SKAP2: variants seen among roughly 807,000 people sequenced by gnomAD.
The protein encoded by SKAP2 is src kinase associated phosphoprotein 2.
In SKAP2, 28 loss-of-function variants were observed where a neutral mutation model predicts 54.9. The ratio of observed to expected loss-of-function variants is 0.51; its 90% CI spans 0.38 to 0.70. The LOEUF (loss-of-function observed/expected upper bound fraction) is 0.70. Ranked by LOEUF, SKAP2 falls within the 30% of genes least tolerant of loss-of-function variation. The pLI, the probability that SKAP2 is intolerant of heterozygous loss-of-function variation, is 0.00. For synonymous variants in SKAP2, 137 were observed against 134.3 expected (o/e 1.02, Z -0.14); for missense variants, 356 against 424.1 (o/e 0.84, Z 1.41).
chr7:26,719,472 C>G (rs537011075), intron 9 of SKAP2, among the ~76,000 whole-genome samples: 2 of 152,316 alleles, frequency 1.3e-5, no homozygotes, highest in South Asian at 4.1e-4. Context: ...ATTGCTCAGC[C>G]TTGCATTCCC....
intron 9 of SKAP2, among the ~76,000 whole-genome samples, chr7:26,695,862 T>C (rs1376986193): frequency 6.6e-6 from 1 of 152,164 alleles, no homozygotes; most frequent in Non-Finnish European, 1.5e-5. Flanking sequence ...GCACACAAGA[T>C]GCCCGAGTGG....
At chr7:26,661,162 A>G in the SKAP2 span, among the ~76,000 whole-genome samples, 3 of 152,074 alleles carry the variant, frequency 2.0e-5, no homozygotes, top group African/African-American at 7.2e-5. Context: ...TGCATCTTTT[A>G]TTAGCTTTGC....
At chr7:26,742,902 T>C (rs1216925663) in intron 4 of SKAP2, among the ~76,000 whole-genome samples, 1 of 152,202 alleles carries the variant, frequency 6.6e-6, no homozygotes, top group Non-Finnish European at 1.5e-5. Flanking sequence ...TAAAAAAATA[T>C]GAATTCTCAT....
Position 26,854,886 on chromosome 7 carries a change from A to G in SKAP2, c.72T>C (p.Val24=). 1 of 1,577,302 alleles carries G rather than the reference A, an allele frequency of 6.3e-7. No homozygotes were observed. Among genetic ancestry groups the G allele is most frequent in the Non-Finnish European group, 8.7e-7 (1 of 1,154,650 alleles). ...PEEIRNLLAD[V]ETFVADILKG... ...TCAGTATATCTGCTACAAATGTTTC[A>G]ACATCTAAACCATGCAATATAAGAA... Residue 24 remains valine, a synonymous_variant, in exon 2 of 13, where the codon GTT becomes GTC. Coordinates refer to ENST00000345317, the MANE Select transcript of SKAP2 (RefSeq NM_003930.5).
At chr7:26,736,890 CG>C (rs1204866595) in intron 6 of SKAP2, among the ~76,000 whole-genome samples, 1 of 151,202 alleles carries the variant, frequency 6.6e-6, no homozygotes, top group Non-Finnish European at 1.5e-5. Context: ...GTGAGGCCCC[CG>C]CATCTCTAAA....
intron 11 of SKAP2, among the ~76,000 whole-genome samples, chr7:26,675,561 T>C (rs1194534264): frequency 6.6e-6 from 1 of 152,190 alleles, no homozygotes; most frequent in East Asian, 1.9e-4. Flanking sequence ...CTGCAGGAGA[T>C]ATAAAAGATG....
At chr7:26,849,476 G>A (rs1054294724) in intron 3 of SKAP2, among the ~76,000 whole-genome samples, 1 of 151,938 alleles carries the variant, frequency 6.6e-6, no homozygotes, top group Non-Finnish European at 1.5e-5. Context: ...CTGAGGTCAG[G>A]AGTTCGAGAC....
chr7:26,838,694 T>C (rs1014146347), intron 4 of SKAP2, among the ~76,000 whole-genome samples: 2 of 152,166 alleles, frequency 1.3e-5, no homozygotes, highest in Admixed American at 1.3e-4. Flanking sequence ...ATGCTGTGGT[T>C]TTTTTGACAG....
intron 4 of SKAP2, among the ~76,000 whole-genome samples, chr7:26,802,622 C>G (rs1229053700): frequency 6.6e-6 from 1 of 152,056 alleles, no homozygotes. Context: ...GTAGCACACG[C>G]CTGTAATCCT....
intron 4 of SKAP2, among the ~76,000 whole-genome samples, chr7:26,753,613 A>G (rs1462464700): frequency 6.6e-6 from 1 of 152,226 alleles, no homozygotes; most frequent in Non-Finnish European, 1.5e-5. Flanking sequence ...GTAAACATTT[A>G]ATACACCTTT....
intron 4 of SKAP2, among the ~76,000 whole-genome samples, chr7:26,761,128 G>C (rs1472571551): frequency 6.6e-6 from 1 of 152,120 alleles, no homozygotes; most frequent in Non-Finnish European, 1.5e-5. Context: ...GTGAAGAAAA[G>C]AGAGGAAAGA....
chr7:26,854,017 C>A, intron 3 of SKAP2, 120 bp downstream of exon 3: 1 of 655,454 alleles, frequency 1.5e-6, no homozygotes. Context: ...GGTCTAAGTA[C>A]ACATTACGGA....
At chr7:26,798,925 G>C (rs1246578340) in intron 4 of SKAP2, among the ~76,000 whole-genome samples, 1 of 150,952 alleles carries the variant, frequency 6.6e-6, no homozygotes, top group Admixed American at 6.6e-5. Context: ...GGACACACAA[G>C]ACATAAAAAG....
chr7:26,779,928 G>A (rs1783391349), intron 4 of SKAP2, among the ~76,000 whole-genome samples: 2 of 152,024 alleles, frequency 1.3e-5, no homozygotes, highest in Admixed American at 6.6e-5. Context: ...AAGCTCTTAT[G>A]TACAAACATT....
intron 4 of SKAP2, among the ~76,000 whole-genome samples, chr7:26,831,850 C>A (rs1475729851): frequency 6.6e-6 from 1 of 152,004 alleles, no homozygotes; most frequent in Non-Finnish European, 1.5e-5. Context: ...ATACCTGAAG[C>A]CAGAGCCAAA....
At chr7:26,759,918 G>A (rs1194580158) in intron 4 of SKAP2, among the ~76,000 whole-genome samples, 1 of 151,898 alleles carries the variant, frequency 6.6e-6, no homozygotes, top group Non-Finnish European at 1.5e-5. Flanking sequence ...TTCTACATTT[G>A]AAGAAAATCT....
At position 26,797,116 on chromosome 7, in the gene SKAP2, G is replaced by A. The variant is rs142060014; in HGVS notation, c.307+46914C>T. On this transcript the variant is annotated intron_variant, in intron 4 of 12. Coordinates refer to ENST00000345317, the MANE Select transcript of SKAP2 (RefSeq NM_003930.5). ...CCTGGATGGTACTTCTGGACCCACC[G>A]GGGATTAGGGGACCTCGCTGCCTTG... Among the ~76,000 whole-genome samples, 441 of 152,322 alleles carry A rather than the reference G, an allele frequency of 2.9e-3. 4 individuals carry two copies. The highest frequency in any genetic ancestry group is 0.01 in the African/African-American group (421 of 41,568).
At chr7:26,664,729 A>G (rs1786076421), downstream of SKAP2, among the ~76,000 whole-genome samples, 1 of 39,698 alleles carries the variant, frequency 2.5e-5, no homozygotes, top group Non-Finnish European at 5.4e-5. Context: ...AACTGAAAAG[A>G]AAAAAAAAAA....
At chr7:26,700,722 TA>T (rs1447698013) in intron 9 of SKAP2, among the ~76,000 whole-genome samples, 2 of 152,216 alleles carry the variant, frequency 1.3e-5, no homozygotes, top group African/African-American at 2.4e-5. Flanking sequence ...CACTCATCCA[TA>T]AACCTTCTAC....
Sources: gnomAD v4.1 joint callset for allele counts (sites outside exome capture counted in the v4.1 genomes callset) on GRCh38, gnomAD v4.1.1 for gene constraint, MANE v1.5 for transcripts, NCBI Gene and HGNC (gene_info 2026-07-23, HGNC 2026-07-21) for gene names.